TRIM4: variants seen among roughly 807,000 people sequenced by gnomAD.
TRIM4 encodes the protein tripartite motif containing 4, also known as E3 ubiquitin-protein ligase TRIM4.
A neutral mutation model predicts 33.7 loss-of-function variants in TRIM4; 29 were observed. That is an observed-to-expected ratio of 0.86 (90% CI 0.64 to 1.17). TRIM4 has a LOEUF of 1.17. Ranked by LOEUF, TRIM4 falls within the 50% of genes most tolerant of loss-of-function variation. The probability of loss-of-function intolerance (pLI) is 0.00; values close to 1 mark genes in which losing one functional copy is unlikely to be tolerated. For missense variants in TRIM4, 554 were observed against 593.7 expected (o/e 0.93, Z 0.69); for synonymous variants, 224 against 233.0 (o/e 0.96, Z 0.35).
At chr7:99,898,553 C>A (rs893816383) in intron 5 of TRIM4, among the ~76,000 whole-genome samples, 6 of 152,290 alleles carry the variant, frequency 3.9e-5, no homozygotes, top group African/African-American at 1.2e-4. Flanking sequence ...CTTCACCTGC[C>A]GGACACATTC....
At chr7:99,906,658 A>G (rs1012451247) in intron 3 of TRIM4, among the ~76,000 whole-genome samples, 1 of 152,100 alleles carries the variant, frequency 6.6e-6, no homozygotes, top group Non-Finnish European at 1.5e-5. Context: ...TTGAGAAAAG[A>G]GCTAGAGAAG....
At chr7:99,907,610 A>G (rs1440059844) in intron 3 of TRIM4, among the ~76,000 whole-genome samples, 3 of 152,246 alleles carry the variant, frequency 2.0e-5, no homozygotes, top group South Asian at 2.1e-4. Flanking sequence ...GCATTGCTTA[A>G]GCATGTTGTA....
rs1198089706 is a variant in TRIM4, at chr7:99,919,444, G to C, written c.-43C>G. The C allele has an allele frequency of 6.8e-7, 1 of 1,473,834 alleles. No individual in the cohort carries two copies. The highest frequency in any genetic ancestry group is 1.4e-5 in the South Asian group (1 of 73,426). The allele number at this position is 1,473,834 out of a possible 1,614,324, so 91.3% of individuals were successfully genotyped here. On this transcript the variant is annotated 5_prime_UTR_variant, in exon 1 of 6. Coordinates refer to ENST00000349062, the MANE Select transcript of TRIM4 (RefSeq NM_033091.3). ...GAGACGGAGTCCGACGTGAGGCGCG[G>C]GAGAGGCCAGCAAGCTGCGAGCGGC... is the stretch of plus-strand genomic sequence containing the variant.
In TRIM4 at chr7:99,908,640, T is replaced by A; in HGVS notation, c.662A>T (p.Lys221Met). The A allele has an allele frequency of 6.2e-7, 1 of 1,614,186 alleles. No homozygotes were observed. The change falls in exon 3 of 6, where the codon AAG (lysine) becomes ATG (methionine). Residue 221 changes from lysine (K) to methionine (M), a missense_variant. Around this residue, in one of 3 missense-constraint regions of TRIM4, gnomAD observed 290 missense variants for 335.8 expected, o/e 0.86. Coordinates refer to ENST00000349062, the MANE Select transcript of TRIM4 (RefSeq NM_033091.3). Reference sequence around the variant, plus strand: ...CTCCCCCACCTCTAAGATGAGCTTCTTCAATGAAGCGATAGTTTGATTGAG... The same window carrying A: ...CTCCCCCACCTCTAAGATGAGCTTCATCAATGAAGCGATAGTTTGATTGAG... ...LKLNQTIASL[K>M]KLILEVGEKS...
intron 1 of TRIM4, chr7:99,917,908 G>C (rs1365628813): frequency 1.1e-6 from 1 of 943,674 alleles, no homozygotes; most frequent in East Asian, 1.2e-4. Context: ...TGTGGGTAGA[G>C]AAAGAGAACA....
At chr7:99,915,707 G>A (rs749345338) in intron 1 of TRIM4, among the ~76,000 whole-genome samples, 1 of 152,166 alleles carries the variant, frequency 6.6e-6, no homozygotes, top group Middle Eastern at 3.2e-3. Flanking sequence ...AGAGATGGGC[G>A]GATATCAGGG....
chr7:99,911,661 G>C (rs1429547423), intron 1 of TRIM4, among the ~76,000 whole-genome samples: 1 of 152,190 alleles, frequency 6.6e-6, no homozygotes, highest in African/African-American at 2.4e-5. Context: ...AAGTTGGCAA[G>C]GGTATGGAGC....
chr7:99,903,341 T>C, intron 4 of TRIM4, 26 bp from the exon 5 acceptor site: 1 of 1,565,808 alleles, frequency 6.4e-7, no homozygotes, highest in Non-Finnish European at 8.7e-7. Flanking sequence ...AGACTGCTCT[T>C]AGGGGACAAC....
At chr7:99,907,435 C>T (rs956619849) in intron 3 of TRIM4, among the ~76,000 whole-genome samples, 3 of 152,202 alleles carry the variant, frequency 2.0e-5, no homozygotes, top group African/African-American at 7.2e-5. Flanking sequence ...TTAATCGTTT[C>T]CCTAACTTTG....
At chr7:99,899,118 C>G (rs556251894) in intron 5 of TRIM4, among the ~76,000 whole-genome samples, 93 of 152,274 alleles carry the variant, frequency 6.1e-4, no homozygotes, top group Admixed American at 2.6e-3. Flanking sequence ...CCAGCACACC[C>G]TGAGAATAAC....
intron 5 of TRIM4, among the ~76,000 whole-genome samples, chr7:99,900,895 TATG>T (rs1401662149): frequency 6.6e-6 from 1 of 152,188 alleles, no homozygotes; most frequent in East Asian, 1.9e-4. Context: ...TCCAGCAAGT[TATG>T]ATGAGCCTTG....
chr7:99,908,436 G>T, intron 3 of TRIM4, 146 bp downstream of exon 3: 2 of 664,552 alleles, frequency 3.0e-6, no homozygotes, highest in Non-Finnish European at 5.2e-6. Flanking sequence ...GTGAATCTTT[G>T]GCTTTTTAGT....
At chr7:99,895,695 T>A (rs1187634569) in intron 5 of TRIM4, among the ~76,000 whole-genome samples, 1 of 152,232 alleles carries the variant, frequency 6.6e-6, no homozygotes, top group Admixed American at 6.5e-5. Context: ...CTCTATTAGT[T>A]TTTGCTTAAT....
At chr7:99,910,750 G>C (rs1819421938) in intron 1 of TRIM4, among the ~76,000 whole-genome samples, 1 of 152,148 alleles carries the variant, frequency 6.6e-6, no homozygotes, top group South Asian at 2.1e-4. Context: ...TGCCATTTTT[G>C]TAATTTAAAA....
intron 3 of TRIM4, 138 bp from the exon 4 acceptor site, chr7:99,903,736 T>G (rs1346052979): frequency 1.1e-6 from 1 of 907,978 alleles, no homozygotes; most frequent in Admixed American, 2.0e-5. Flanking sequence ...GCCAACAGAT[T>G]GACAGAATCT....
chr7:99,909,213 C>T (rs1819381173), intron 2 of TRIM4, among the ~76,000 whole-genome samples: 1 of 151,456 alleles, frequency 6.6e-6, no homozygotes, highest in Admixed American at 6.6e-5. Context: ...TGGGCCCAAA[C>T]CGACTCTAAC....
chr7:99,901,390 T>C (rs1819162686), intron 5 of TRIM4: 1 of 152,222 alleles, frequency 6.6e-6, no homozygotes, highest in South Asian at 2.1e-4. Context: ...CAGTTTCAGT[T>C]GATTATTTTC....
chr7:99,892,118 C>A lies in TRIM4; in HGVS notation c.*45G>T. The A allele has an allele frequency of 6.6e-7, 1 of 1,506,230 alleles. No individual in the cohort carries two copies. The highest frequency in any genetic ancestry group is 1.4e-5 in the African/African-American group (1 of 72,382). The allele number at this position is 1,506,230 out of a possible 1,614,324, so 93.3% of individuals were successfully genotyped here. On this transcript the variant is annotated 3_prime_UTR_variant, in exon 6 of 6. Transcript: ENST00000349062. ...AGAGGGCCCAGGGATGTGTGTCCCT[C>A]AGCTGGACTACAGGGAAGGAGTTTT...
At chr7:99,910,986 G>A (rs1819428039) in intron 1 of TRIM4, among the ~76,000 whole-genome samples, 1 of 152,214 alleles carries the variant, frequency 6.6e-6, no homozygotes, top group African/African-American at 2.4e-5. Flanking sequence ...TGGATGGACT[G>A]CAGGTTATTT....
Sources: gnomAD v4.1 joint callset for allele counts (sites outside exome capture counted in the v4.1 genomes callset) on GRCh38, gnomAD v4.1.1 for gene constraint, gnomAD v4.1.1 regional missense constraint, MANE v1.5 for transcripts, NCBI Gene and HGNC (gene_info 2026-07-23, HGNC 2026-07-21) for gene names.